BID: variants seen among roughly 807,000 people sequenced by gnomAD.
BID encodes BH3 interacting domain death agonist.
Under a neutral mutation model 17.4 loss-of-function variants are expected in BID, and 19 were observed. The observed-to-expected ratio is 1.09, with a 90% confidence interval of 0.76 to 1.60. BID has a LOEUF of 1.60. BID is among the 40% of genes most tolerant of loss of function. The pLI is 0.00. For synonymous variants in BID, 108 were observed against 102.8 expected (o/e 1.05, Z -0.31); for missense variants, 226 against 256.0 (o/e 0.88, Z 0.80).
rs2061740511 is a variant in BID at position 17,773,965 on chromosome 22, C to A, written c.-59+416G>T. ...AAAGACCACGGTGTGGGCGGGGATTCCGATCCGCCGGCAAGGGTGGCCTGC... is the reference window on the plus strand; with the variant it reads ...AAAGACCACGGTGTGGGCGGGGATTACGATCCGCCGGCAAGGGTGGCCTGC... On this transcript the variant is annotated intron_variant, in intron 1 of 5. Coordinates refer to ENST00000622694, the MANE Select transcript of BID (RefSeq NM_001196.4). The surrounding 1 kb of genome is among the most constrained non-coding windows in gnomAD (Gnocchi z 4.4). 1.9e-6 allele frequency: 1 copy of A among 530,600 alleles called. No homozygotes were observed. Among genetic ancestry groups the A allele is most frequent in the African/African-American group, 1.9e-5 (1 of 51,494 alleles). 32.9% of individuals were successfully genotyped at this position (530,600 alleles called of 1,614,324 possible). A position where few individuals can be genotyped will look rare whatever the true frequency, so the allele number is the denominator to read the frequency against.
At chr22:17,757,242 C>T (rs2061597809) in intron 1 of BID, among the ~76,000 whole-genome samples, 1 of 151,598 alleles carries the variant, frequency 6.6e-6, no homozygotes, top group Admixed American at 6.6e-5. Context: ...TGGTGAAACC[C>T]AGTCTCTATA....
rs555405514 is a variant in BID at position 17,753,448 on chromosome 22, G to A, written c.-58-3274C>T. Among the ~76,000 whole-genome samples, 27 of 152,330 alleles carry A rather than the reference G, an allele frequency of 1.8e-4. 1 individual carries two copies. The South Asian group carries it at 5.2e-3, about 29-fold the overall frequency. Reference sequence around the variant, plus strand: ...CATGAGGCCGCCTCCCCTAGGCAACGGTCTTGGAGGGCTTTAGGAGCAGGG... The same window carrying A: ...CATGAGGCCGCCTCCCCTAGGCAACAGTCTTGGAGGGCTTTAGGAGCAGGG... On this transcript the variant is annotated intron_variant, in intron 1 of 5. Transcript: ENST00000622694.
At chr22:17,766,391 C>G (rs981165532) in intron 1 of BID, among the ~76,000 whole-genome samples, 15 of 151,156 alleles carry the variant, frequency 9.9e-5, no homozygotes, top group South Asian at 2.1e-4. Flanking sequence ...AAGCGATTCT[C>G]CTGCCTCAGC....
intron 1 of BID, among the ~76,000 whole-genome samples, chr22:17,764,610 A>C (rs1004993759): frequency 1.3e-5 from 2 of 152,202 alleles, no homozygotes; most frequent in Non-Finnish European, 2.9e-5. Flanking sequence ...AATAATTCCA[A>C]TGTAGCTTTT....
chr22:17,773,654 C>G lies in BID; in HGVS notation c.-59+727G>C. On this transcript the variant is annotated intron_variant, in intron 1 of 5. Transcript: ENST00000622694. The surrounding 1 kb of genome is among the most constrained non-coding windows in gnomAD (Gnocchi z 4.4). ...TCCAGCCGGCCCGGCCCCTCGCTGC[C>G]CACCGAGCCATCATGACCCCAGCAC... 6.2e-7 allele frequency: 1 copy of G among 1,611,784 alleles called. No homozygotes were observed.
intron 1 of BID, among the ~76,000 whole-genome samples, chr22:17,758,270 C>T (rs911327552): frequency 3.9e-5 from 6 of 152,230 alleles, no homozygotes; most frequent in Non-Finnish European, 7.3e-5. Flanking sequence ...ACTGACTCCA[C>T]GGTCGCCTCA....
intron 2 of BID, among the ~76,000 whole-genome samples, chr22:17,749,520 A>G (rs8190293): frequency 1.1e-3 from 172 of 152,332 alleles, no homozygotes; most frequent in African/African-American, 4.0e-3. Flanking sequence ...AAAATTTTTG[A>G]AACACCTTAC....
chr22:17,739,966 C>T, intron 3 of BID: 3 of 1,122,758 alleles, frequency 2.7e-6, no homozygotes, highest in African/African-American at 1.6e-5. Flanking sequence ...CCAGTTGTCA[C>T]TGGCACCGGC....
chr22:17,742,073 T>G (rs1179208018), intron 3 of BID, among the ~76,000 whole-genome samples: 2 of 152,236 alleles, frequency 1.3e-5, no homozygotes, highest in Non-Finnish European at 2.9e-5. Context: ...TCTTTCCTGA[T>G]CCGTCTGTGT....
intron 1 of BID, among the ~76,000 whole-genome samples, chr22:17,750,666 A>T (rs2061531485): frequency 6.6e-6 from 1 of 152,076 alleles, no homozygotes; most frequent in Admixed American, 6.5e-5. Flanking sequence ...GTCTCTACTA[A>T]AAATACAAAA....
intron 1 of BID, among the ~76,000 whole-genome samples, chr22:17,759,245 A>ACAAAACAAAAAAC (rs757070856): frequency 9.2e-6 from 1 of 108,232 alleles, no homozygotes; most frequent in South Asian, 2.8e-4. Flanking sequence ...AAAAAACAAA[A>ACAAAACAAAAAAC]CAAAAAAAAA....
intron 1 of BID, 77 bp from the exon 2 acceptor site, chr22:17,750,251 G>C: frequency 7.9e-7 from 1 of 1,269,668 alleles, no homozygotes; most frequent in Admixed American, 2.0e-5. Context: ...CGACGAAGCT[G>C]GCCTGTGCTC....
intron 1 of BID, among the ~76,000 whole-genome samples, chr22:17,750,933 G>C (rs1231158492): frequency 1.3e-5 from 2 of 152,106 alleles, no homozygotes; most frequent in East Asian, 3.9e-4. Flanking sequence ...CTACTTGGGG[G>C]GCTGAAGCAG....
chr22:17,773,613 A>T lies in BID; in HGVS notation c.-59+768T>A. 6.2e-7 allele frequency: 1 copy of T among 1,612,590 alleles called. No homozygotes were observed. Among genetic ancestry groups the T allele is most frequent in the South Asian group, 1.1e-5 (1 of 91,068 alleles). On this transcript the variant is annotated intron_variant, in intron 1 of 5. Coordinates refer to ENST00000622694, the MANE Select transcript of BID (RefSeq NM_001196.4). The surrounding 1 kb of genome is among the most constrained non-coding windows in gnomAD (Gnocchi z 4.4). ...GCCCAGCCCCCAGCCCACTTACAGA[A>T]TCCGCACTGTGCTCCTCCAGCCGGC...
chr22:17,753,607 G>A (rs950734480), intron 1 of BID, among the ~76,000 whole-genome samples: 3 of 152,232 alleles, frequency 2.0e-5, no homozygotes, highest in Non-Finnish European at 4.4e-5. Flanking sequence ...CTAGGAGGGC[G>A]TGGATGCAGA....
At chr22:17,760,712 A>G (rs919489043) in intron 1 of BID, among the ~76,000 whole-genome samples, 1 of 152,100 alleles carries the variant, frequency 6.6e-6, no homozygotes, top group Non-Finnish European at 1.5e-5. Context: ...TCTGAGAGCC[A>G]TTGAGGTAAT....
chr22:17,750,396 C>T (rs2061528982), intron 1 of BID, among the ~76,000 whole-genome samples: 1 of 152,272 alleles, frequency 6.6e-6, no homozygotes, highest in South Asian at 2.1e-4. Flanking sequence ...GCCGACCCCG[C>T]ACCTGAATTC....
At chr22:17,764,710 G>A (rs1335299861) in intron 1 of BID, among the ~76,000 whole-genome samples, 1 of 152,188 alleles carries the variant, frequency 6.6e-6, no homozygotes, top group East Asian at 1.9e-4. Context: ...CCACAAAGGG[G>A]TACAGTGACC....
chr22:17,752,106 G>T (rs543285511), intron 1 of BID, among the ~76,000 whole-genome samples: 84 of 152,286 alleles, frequency 5.5e-4, no homozygotes, highest in Non-Finnish European at 1.0e-3. Flanking sequence ...GAGCTCGGGA[G>T]GCAGCTCACA....
Sources: gnomAD v4.1 joint callset for allele counts (sites outside exome capture counted in the v4.1 genomes callset) on GRCh38, gnomAD v4.1.1 for gene constraint, Gnocchi (gnomAD v3.1) non-coding constraint, MANE v1.5 for transcripts, NCBI Gene and HGNC (gene_info 2026-07-23, HGNC 2026-07-21) for gene names.